AJAP1: variants seen among roughly 807,000 people sequenced by gnomAD.
The protein encoded by AJAP1 is adherens junctions associated protein 1.
AJAP1 carries 5 observed loss-of-function variants against 35.0 expected under a neutral mutation model. The ratio of observed to expected loss-of-function variants is 0.14; its 90% CI spans 0.07 to 0.30. The LOEUF (loss-of-function observed/expected upper bound fraction) is 0.30. AJAP1 is among the 10% of genes least tolerant of loss of function. The pLI is 1.00. For missense variants in AJAP1, 586 were observed against 571.0 expected (o/e 1.03, Z -0.27); for synonymous variants, 284 against 249.3 (o/e 1.14, Z -1.31).
At chr1:4,675,839 T>C (rs1030646954) in intron 1 of AJAP1, among the ~76,000 whole-genome samples, 1 of 152,170 alleles carries the variant, frequency 6.6e-6, no homozygotes, top group Non-Finnish European at 1.5e-5. Flanking sequence ...GCCCTGAAGA[T>C]GGTGTGGGCG....
intron 1 of AJAP1, among the ~76,000 whole-genome samples, chr1:4,688,629 G>A (rs977469295): frequency 2.6e-5 from 4 of 151,864 alleles, no homozygotes; most frequent in South Asian, 2.1e-4. Context: ...AATATTAGCC[G>A]AGCGTGGTGG....
intron 2 of AJAP1, among the ~76,000 whole-genome samples, chr1:4,735,224 A>G (rs1640891682): frequency 2.0e-5 from 3 of 152,252 alleles, no homozygotes; most frequent in Admixed American, 6.5e-5. Flanking sequence ...CAAGAAAAGC[A>G]TACTGGGCTG....
Position 4,783,811 on chromosome 1 carries a change from C to T in AJAP1, c.*1326C>T, listed in dbSNP as rs1642116416. The stretch of plus-strand genomic sequence containing the variant: ...TCCTTATGATGTGTGTGTGTAATAT[C>T]AGGGCAGAACTTAGACATACGTGAA... On this transcript the variant is annotated 3_prime_UTR_variant, in exon 6 of 6. Coordinates refer to ENST00000378191, the MANE Select transcript of AJAP1 (RefSeq NM_018836.4). 1.3e-5 allele frequency: 2 copies of T among 151,948 alleles called. No homozygotes were observed. Among genetic ancestry groups the T allele is most frequent in the South Asian group, 4.2e-4 (2 of 4,802 alleles). 9.4% of individuals were successfully genotyped at this position (151,948 alleles called of 1,614,324 possible). A position where few individuals can be genotyped will look rare whatever the true frequency, so the allele number is the denominator to read the frequency against.
chr1:4,731,291 G>A (rs1640790737), intron 2 of AJAP1, among the ~76,000 whole-genome samples: 1 of 152,204 alleles, frequency 6.6e-6, no homozygotes, highest in Admixed American at 6.5e-5. Flanking sequence ...ATGTTGGCCA[G>A]GCTGGTCTCG....
At position 4,693,291 on chromosome 1, in the gene AJAP1, G is replaced by A. The variant is rs996526058; in HGVS notation, c.30-18609G>A. ...GAGAAGCAGCCCGTGGTCAGGGGACGTCAGGGGCATGTGCTGATGGAGAGG... is the reference window on the plus strand; with the variant it reads ...GAGAAGCAGCCCGTGGTCAGGGGACATCAGGGGCATGTGCTGATGGAGAGG... On this transcript the variant is annotated intron_variant, in intron 1 of 5. Transcript: ENST00000378191. The surrounding 1 kb of genome is among the most constrained non-coding windows in gnomAD (Gnocchi z 4.4). Among the ~76,000 whole-genome samples the A allele has an allele frequency of 4.6e-5, 7 of 151,854 alleles. No individual in the cohort carries two copies. Among genetic ancestry groups the A allele is most frequent in the African/African-American group, 1.2e-4 (5 of 41,350 alleles).
chr1:4,702,620 C>G (rs569513198), intron 1 of AJAP1, among the ~76,000 whole-genome samples: 37 of 152,160 alleles, frequency 2.4e-4, no homozygotes, highest in African/African-American at 8.7e-4. Flanking sequence ...CCGTCTGGGG[C>G]GTCCTGGGGC....
At chr1:4,697,641 A>G (rs1187626264) in intron 1 of AJAP1, among the ~76,000 whole-genome samples, 1 of 152,212 alleles carries the variant, frequency 6.6e-6, no homozygotes, top group Non-Finnish European at 1.5e-5. Flanking sequence ...CCTACTAGCT[A>G]GTGACCTTGG....
chr1:4,711,817 G>A (rs1640246575), intron 1 of AJAP1, 83 bp from the exon 2 acceptor site: 1 of 1,097,606 alleles, frequency 9.1e-7, no homozygotes, highest in Non-Finnish European at 1.3e-6. Context: ...GTCACAGCGC[G>A]GGGTGGAGAG....
chr1:4,763,389 C>T (rs1641614848), intron 2 of AJAP1, among the ~76,000 whole-genome samples: 1 of 152,168 alleles, frequency 6.6e-6, no homozygotes, highest in South Asian at 2.1e-4. Flanking sequence ...TGATCCTGTC[C>T]CAAGCCGGAA....
At chr1:4,741,020 A>G (rs1641056839) in intron 2 of AJAP1, among the ~76,000 whole-genome samples, 1 of 152,100 alleles carries the variant, frequency 6.6e-6, no homozygotes, top group African/African-American at 2.4e-5. Flanking sequence ...CTGCAACTAC[A>G]AAGTCTCGTT....
rs375865523 is a variant in AJAP1, at chr1:4,740,680, A to G, written c.829+27981A>G. On this transcript the variant is annotated intron_variant, in intron 2 of 5. Transcript: ENST00000378191. ...GGGCGCCTGTAGTCCCAGCTACTCC[A>G]GAGGCTGAGGCAGGAGAATGGCGGG... Among the ~76,000 whole-genome samples the G allele has an allele frequency of 2.9e-4, 44 of 149,376 alleles. No individual in the cohort carries two copies. The East Asian group carries it at 6.0e-3, about 20-fold the overall frequency.
At chr1:4,668,358 G>C (rs1639183073) in intron 1 of AJAP1, among the ~76,000 whole-genome samples, 1 of 152,144 alleles carries the variant, frequency 6.6e-6, no homozygotes, top group Admixed American at 6.5e-5. Context: ...GTGTGTGTGT[G>C]TGTCTGTGGG....
At chr1:4,726,110 G>T (rs1047390915) in intron 2 of AJAP1, among the ~76,000 whole-genome samples, 4 of 146,442 alleles carry the variant, frequency 2.7e-5, no homozygotes, top group Non-Finnish European at 5.9e-5. Flanking sequence ...AGGAAATGGA[G>T]CTCCATCGCC....
At chr1:4,705,634 C>A (rs369462658) in intron 1 of AJAP1, among the ~76,000 whole-genome samples, 1 of 151,686 alleles carries the variant, frequency 6.6e-6, no homozygotes, top group Non-Finnish European at 1.5e-5. Flanking sequence ...TACTTCCTCT[C>A]TGTGGGCATC....
chr1:4,675,078 G>A (rs916158376), intron 1 of AJAP1, among the ~76,000 whole-genome samples: 6 of 152,172 alleles, frequency 3.9e-5, no homozygotes, highest in East Asian at 1.9e-4. Context: ...GCGGTGGGGG[G>A]GAAACAGAGC....
intron 1 of AJAP1, among the ~76,000 whole-genome samples, chr1:4,690,241 G>T (rs151093031): frequency 6.6e-6 from 1 of 152,142 alleles, no homozygotes; most frequent in Non-Finnish European, 1.5e-5. Context: ...AAGTCAGTCC[G>T]CTCCTTCACT....
chr1:4,769,450 C>T (rs1454843678), intron 2 of AJAP1, among the ~76,000 whole-genome samples: 1 of 152,286 alleles, frequency 6.6e-6, no homozygotes, highest in Middle Eastern at 3.4e-3. Context: ...GCGAGACTGG[C>T]CCAGGGTGTG....
chr1:4,661,040 GA>G (rs1638987830), intron 1 of AJAP1, among the ~76,000 whole-genome samples: 1 of 152,164 alleles, frequency 6.6e-6, no homozygotes, highest in Non-Finnish European at 1.5e-5. Flanking sequence ...CTAGATCAGG[GA>G]AACATGAGCC....
intron 2 of AJAP1, among the ~76,000 whole-genome samples, chr1:4,735,159 C>T (rs1640889888): frequency 2.0e-5 from 3 of 152,246 alleles, no homozygotes; most frequent in Admixed American, 1.3e-4. Flanking sequence ...TTACAAAAGC[C>T]TGCCACAGCA....
Sources: allele counts gnomAD v4.1 joint callset (sites outside exome capture counted in the v4.1 genomes callset), GRCh38; gene constraint gnomAD v4.1.1; non-coding constraint Gnocchi (gnomAD v3.1); transcripts MANE v1.5; gene names NCBI Gene and HGNC (gene_info 2026-07-23, HGNC 2026-07-21).